SPOCK1: variants seen among roughly 807,000 people sequenced by gnomAD.
SPOCK1 encodes the protein SPARC (osteonectin), cwcv and kazal like domains proteoglycan 1.
A neutral mutation model predicts 55.3 loss-of-function variants in SPOCK1; 23 were observed. That is an observed-to-expected ratio of 0.42 (90% CI 0.30 to 0.59). The LOEUF is 0.59. Ranked by LOEUF, SPOCK1 falls within the 20% of genes least tolerant of loss-of-function variation. The probability of loss-of-function intolerance (pLI) is 0.22; values close to 1 mark genes in which losing one functional copy is unlikely to be tolerated. For synonymous variants in SPOCK1, 226 were observed against 221.0 expected, an observed-to-expected ratio of 1.02 and a Z score of -0.20; for missense variants, 499 against 552.5, an observed-to-expected ratio of 0.90 and a Z score of 0.97.
chr5:136,984,042 TA>T (rs1407231005), intron 9 of SPOCK1, among the ~76,000 whole-genome samples: 1 of 152,138 alleles, frequency 6.6e-6, no homozygotes, highest in East Asian at 1.9e-4. Flanking sequence ...ATGAGATCAA[TA>T]AACAAACACA....
At chr5:137,464,704 G>C (rs901251614) in intron 2 of SPOCK1, among the ~76,000 whole-genome samples, 28 of 152,138 alleles carry the variant, frequency 1.8e-4, no homozygotes, top group Admixed American at 5.2e-4. Flanking sequence ...AGGACAAAGA[G>C]GAACTCAGGT....
intron 2 of SPOCK1, among the ~76,000 whole-genome samples, chr5:137,311,191 C>T (rs1056749446): frequency 1.8e-4 from 28 of 152,110 alleles, no homozygotes; most frequent in Admixed American, 1.7e-3. Flanking sequence ...TCCCCATTGG[C>T]TTCAGAATGT....
intron 2 of SPOCK1, among the ~76,000 whole-genome samples, chr5:137,267,851 C>T (rs974871582): frequency 1.3e-5 from 2 of 152,220 alleles, no homozygotes; most frequent in African/African-American, 4.8e-5. Flanking sequence ...CTGGCACACC[C>T]ACTGTATCAG....
chr5:137,082,496 T>C (rs1354413092), intron 5 of SPOCK1, among the ~76,000 whole-genome samples: 1 of 152,136 alleles, frequency 6.6e-6, no homozygotes, highest in East Asian at 1.9e-4. Flanking sequence ...ACAAACCCTG[T>C]GATACAGACG....
intron 5 of SPOCK1, among the ~76,000 whole-genome samples, chr5:137,074,583 T>A (rs181814746): frequency 6.6e-6 from 1 of 152,100 alleles, no homozygotes; most frequent in South Asian, 2.1e-4. Flanking sequence ...GTGACATGAT[T>A]TCAGCTCACT....
Position 137,164,685 on chromosome 5 carries a change from T to C in SPOCK1, c.233-23991A>G, listed in dbSNP as rs555734760. Among the ~76,000 whole-genome samples, 16 of 152,190 alleles carry C rather than the reference T, an allele frequency of 1.1e-4. No homozygotes were observed. In the East Asian group the frequency reaches 2.9e-3, roughly 28 times the overall value. On this transcript the variant is annotated intron_variant, in intron 3 of 10. Coordinates refer to ENST00000394945, the MANE Select transcript of SPOCK1 (RefSeq NM_004598.4). ...CTGCCCTGGGCCAAAGGAGAGCCCATTGCCCTGAAGGATGAGTCCCAGGCC... is the reference window on the plus strand; with the variant it reads ...CTGCCCTGGGCCAAAGGAGAGCCCACTGCCCTGAAGGATGAGTCCCAGGCC...
In SPOCK1 at chr5:137,409,095, TC is replaced by T. The variant is rs1240272288; in HGVS notation, c.186+89277del. Among the ~76,000 whole-genome samples, 3 of 152,020 alleles carry T rather than the reference TC, an allele frequency of 2.0e-5. No homozygotes were observed. The East Asian group carries it at 5.8e-4, about 29-fold the overall frequency. On this transcript the variant is annotated intron_variant, in intron 2 of 10. Transcript: ENST00000394945. The stretch of plus-strand genomic sequence containing the variant: ...CTGAAGGAATCCAGGCCACCTCCAG[TC>T]CCCCATACAATCTCCAAAGTGTCAT...
At chr5:137,288,961 C>CA (rs1757316532) in intron 2 of SPOCK1, among the ~76,000 whole-genome samples, 1 of 152,182 alleles carries the variant, frequency 6.6e-6, no homozygotes, top group Non-Finnish European at 1.5e-5. Context: ...ATGCAAACTG[C>CA]AAAAAGCAAG....
At chr5:137,173,378 T>C (rs1754790943) in intron 3 of SPOCK1, among the ~76,000 whole-genome samples, 1 of 152,144 alleles carries the variant, frequency 6.6e-6, no homozygotes, top group East Asian at 1.9e-4. Flanking sequence ...TCGTAATAAA[T>C]CAACTTTTTC....
At position 137,384,563 on chromosome 5, in the gene SPOCK1, C is replaced by CATATATATAT. The variant is rs368458010; in HGVS notation, c.186+113800_186+113809dup. On this transcript the variant is annotated intron_variant, in intron 2 of 10. Coordinates refer to ENST00000394945, the MANE Select transcript of SPOCK1 (RefSeq NM_004598.4). ...ATATATACACACATATACATACATA[C>CATATATATAT]ATATATATATATATATGTATGTATT... 4.6e-3 allele frequency among the ~76,000 whole-genome samples: 618 copies of CATATATATAT among 133,518 alleles called. 13 individuals carry two copies. Among genetic ancestry groups the CATATATATAT allele is most frequent in the African/African-American group, 0.02 (587 of 28,732 alleles). The allele number at this position is 133,518 out of a possible 152,430, so 87.6% of individuals were successfully genotyped here.
chr5:137,178,991 GGGT>G (rs1754915531), intron 3 of SPOCK1, among the ~76,000 whole-genome samples: 1 of 152,228 alleles, frequency 6.6e-6, no homozygotes, highest in Non-Finnish European at 1.5e-5. Flanking sequence ...ATGGTGTGTT[GGGT>G]AGGGAATGGT....
chr5:137,455,578 C>T (rs1474083401), intron 2 of SPOCK1, among the ~76,000 whole-genome samples: 1 of 152,142 alleles, frequency 6.6e-6, no homozygotes, highest in African/African-American at 2.4e-5. Context: ...ATAATAGCAA[C>T]CATTTACCAT....
intron 6 of SPOCK1, among the ~76,000 whole-genome samples, chr5:137,031,697 A>G (rs1358697112): frequency 6.6e-6 from 1 of 152,198 alleles, no homozygotes; most frequent in Non-Finnish European, 1.5e-5. Context: ...TGCAACTAAC[A>G]GGAATTATCA....
chr5:137,337,227 C>T (rs1490231261), intron 2 of SPOCK1, among the ~76,000 whole-genome samples: 1 of 152,164 alleles, frequency 6.6e-6, no homozygotes, highest in African/African-American at 2.4e-5. Flanking sequence ...CAGGTAACGA[C>T]CCCATTTGGC....
At chr5:137,210,555 A>G (rs1354384089) in intron 3 of SPOCK1, among the ~76,000 whole-genome samples, 2 of 152,216 alleles carry the variant, frequency 1.3e-5, no homozygotes, top group African/African-American at 4.8e-5. Flanking sequence ...AAGGTTCAGG[A>G]GAGACATAAT....
At chr5:137,211,113 C>T (rs1387678683) in intron 3 of SPOCK1, among the ~76,000 whole-genome samples, 1 of 152,148 alleles carries the variant, frequency 6.6e-6, no homozygotes, top group African/African-American at 2.4e-5. Flanking sequence ...ACCTCCGAAG[C>T]CCCCATCTAA....
At chr5:137,002,784 T>C (rs1029089794) in intron 6 of SPOCK1, among the ~76,000 whole-genome samples, 3 of 152,092 alleles carry the variant, frequency 2.0e-5, no homozygotes, top group Non-Finnish European at 4.4e-5. Context: ...GAGAGAGCCA[T>C]GGGGGAAGGG....
chr5:137,160,576 T>TAA (rs1196011089), intron 3 of SPOCK1, among the ~76,000 whole-genome samples: 1 of 60,040 alleles, frequency 1.7e-5, no homozygotes, highest in South Asian at 4.6e-4. Flanking sequence ...ATATATTATA[T>TAA]AATATATATA....
chr5:137,100,178 G>C (rs1442816167), intron 5 of SPOCK1, among the ~76,000 whole-genome samples: 1 of 152,118 alleles, frequency 6.6e-6, no homozygotes, highest in African/African-American at 2.4e-5. Flanking sequence ...GGCTCAGGAG[G>C]GTTCACTGAG....
Sources: allele counts gnomAD v4.1 joint callset (sites outside exome capture counted in the v4.1 genomes callset), GRCh38; gene constraint gnomAD v4.1.1; transcripts MANE v1.5; gene names NCBI Gene and HGNC (gene_info 2026-07-23, HGNC 2026-07-21).